Variants in USP49 observed in about 807,000 individuals in gnomAD.
USP49 encodes the protein ubiquitin carboxyl-terminal hydrolase 49.
Under a neutral mutation model 58.6 loss-of-function variants are expected in USP49, and 24 were observed. The ratio of observed to expected loss-of-function variants is 0.41; its 90% CI spans 0.30 to 0.58. USP49 has a LOEUF of 0.58. Among genes scored for constraint, USP49 ranks in the 20% least tolerant of loss-of-function variants. USP49 has a pLI of 0.30. For synonymous variants in USP49, 408 were observed against 365.1 expected, an observed-to-expected ratio of 1.12 and a Z score of -1.34; for missense variants, 703 against 866.1, an observed-to-expected ratio of 0.81 and a Z score of 2.36.
intron 3 of USP49, among the ~76,000 whole-genome samples, chr6:41,840,440 A>G (rs1470539538): frequency 1.3e-5 from 2 of 152,140 alleles, no homozygotes; most frequent in Non-Finnish European, 2.9e-5. Context: ...GAAGAACACA[A>G]TAATGGTATT....
chr6:41,798,558 G>T (rs934123745), intron 7 of USP49, 166 bp downstream of exon 7: 2 of 1,531,146 alleles, frequency 1.3e-6, no homozygotes, highest in Non-Finnish European at 1.8e-6. Context: ...TTACAGGTGT[G>T]AGCCACGGCG....
At chr6:41,814,291 C>A (rs1254757835) in intron 3 of USP49, among the ~76,000 whole-genome samples, 1 of 152,216 alleles carries the variant, frequency 6.6e-6, no homozygotes, top group African/African-American at 2.4e-5. Context: ...TTTTAAAAAT[C>A]TGAATCAACT....
chr6:41,837,339 G>C (rs968019403), intron 3 of USP49, among the ~76,000 whole-genome samples: 4 of 152,096 alleles, frequency 2.6e-5, no homozygotes, highest in Admixed American at 6.6e-5. Flanking sequence ...CAACAAAGTC[G>C]ACAAAAGCAA....
rs1481135096 is a variant in USP49 at position 41,790,658 on chromosome 6, C to T, written c.*5875G>A. ...ACAGATGTCTCTAGCAGTTTGTTCA[C>T]TACTAAAGTTAAACAGGACAAAATA... On this transcript the variant is annotated 3_prime_UTR_variant, in exon 8 of 8. Transcript: ENST00000682992. The T allele has an allele frequency of 6.6e-6, 1 of 152,154 alleles. No individual in the cohort carries two copies. The highest frequency in any genetic ancestry group is 2.4e-5 in the African/African-American group (1 of 41,422). 9.4% of individuals were successfully genotyped at this position (152,154 alleles called of 1,614,324 possible). A position where few individuals can be genotyped will look rare whatever the true frequency, so the allele number is the denominator to read the frequency against.
intron 6 of USP49, among the ~76,000 whole-genome samples, chr6:41,799,241 G>A (rs571208176): frequency 1.3e-5 from 2 of 152,182 alleles, no homozygotes; most frequent in East Asian, 3.9e-4. Flanking sequence ...GAGTAGGTGG[G>A]ACTATAGGTG....
chr6:41,887,106 CA>C (rs1774726025), intron 2 of USP49, among the ~76,000 whole-genome samples: 1 of 152,160 alleles, frequency 6.6e-6, no homozygotes, highest in Non-Finnish European at 1.5e-5. Context: ...AAAGAAAGAG[CA>C]GGAGGCAGGA....
At chr6:41,865,483 C>T (rs1774297057) in intron 3 of USP49, among the ~76,000 whole-genome samples, 1 of 152,064 alleles carries the variant, frequency 6.6e-6, no homozygotes. Flanking sequence ...AATCCTAAAC[C>T]ATGTGGTGCC....
At chr6:41,866,079 G>A (rs1001400266) in intron 3 of USP49, among the ~76,000 whole-genome samples, 4 of 151,072 alleles carry the variant, frequency 2.6e-5, no homozygotes, top group Admixed American at 1.3e-4. Context: ...CCACCACCAC[G>A]TCCCACCAAT....
At chr6:41,799,745 A>G in intron 6 of USP49, 85 bp downstream of exon 6, 1 of 1,212,048 alleles carries the variant, frequency 8.3e-7, no homozygotes, top group Non-Finnish European at 1.2e-6. Context: ...TCCCAACACC[A>G]TAGAAGACAT....
intron 3 of USP49, among the ~76,000 whole-genome samples, chr6:41,845,019 GCCTCCTGA>G (rs1773897388): frequency 6.6e-6 from 1 of 152,094 alleles, no homozygotes; most frequent in Admixed American, 6.6e-5. Flanking sequence ...TCCTGCCTCA[GCCTCCTGA>G]GTAGCTGGGA....
chr6:41,852,307 G>A (rs942327425), intron 3 of USP49, among the ~76,000 whole-genome samples: 3 of 152,150 alleles, frequency 2.0e-5, no homozygotes, highest in South Asian at 2.1e-4. Context: ...CCTGGGCAAC[G>A]AGAGTGAAAC....
chr6:41,878,013 CCA>C (rs1192642420), intron 2 of USP49, among the ~76,000 whole-genome samples: 1 of 151,800 alleles, frequency 6.6e-6, no homozygotes, highest in African/African-American at 2.4e-5. Flanking sequence ...AGCGACCCTC[CCA>C]CCTCAGCCTC....
At chr6:41,848,878 G>A (rs1773971161) in intron 3 of USP49, among the ~76,000 whole-genome samples, 1 of 151,594 alleles carries the variant, frequency 6.6e-6, no homozygotes, top group South Asian at 2.1e-4. Flanking sequence ...AAATGAGAGA[G>A]AGAGAAATGG....
At position 41,806,145 on chromosome 6, in the gene USP49, C is replaced by T; in HGVS notation, c.839G>A (p.Cys280Tyr). The T allele has an allele frequency of 8.1e-6, 13 of 1,613,720 alleles. No individual in the cohort carries two copies. Among genetic ancestry groups the T allele is most frequent in the Non-Finnish European group, 1.1e-5 (13 of 1,180,034 alleles). The part of the protein sequence containing the change: ...VLSHLQKFRE[C>Y]FLNLDPSKTE... ...TTTGGAAGGGTCAAGGTTGAGGAAA[C>T]ATTCTCGGAACTTCTGGAGGTGGCT... Residue 280 changes from cysteine (C) to tyrosine (Y), a missense_variant, in exon 4 of 8, where the codon TGT (cysteine) becomes TAT (tyrosine). Cys to Tyr is a radical substitution (Grantham distance 194). Transcript: ENST00000682992. This position sits in a 1 kb window ranked among gnomAD's most constrained non-coding sequence, Gnocchi z 5.9.
chr6:41,876,701 C>T (rs1226073724), intron 2 of USP49, among the ~76,000 whole-genome samples: 5 of 152,086 alleles, frequency 3.3e-5, no homozygotes, highest in African/African-American at 4.8e-5. Flanking sequence ...CGTGAGCCAC[C>T]GCAACCTGCC....
intron 3 of USP49, among the ~76,000 whole-genome samples, chr6:41,812,442 G>A (rs956357986): frequency 6.7e-6 from 1 of 150,152 alleles, no homozygotes; most frequent in African/African-American, 2.4e-5. Context: ...GCCTGCAATC[G>A]CAGCACTTTG....
intron 3 of USP49, among the ~76,000 whole-genome samples, chr6:41,842,642 A>C (rs1283453656): frequency 6.6e-6 from 1 of 152,152 alleles, no homozygotes; most frequent in Non-Finnish European, 1.5e-5. Context: ...TTTCATTTTA[A>C]TCACAGCTAT....
At chr6:41,885,581 T>C (rs1774695131) in intron 2 of USP49, among the ~76,000 whole-genome samples, 1 of 152,064 alleles carries the variant, frequency 6.6e-6, no homozygotes, top group Non-Finnish European at 1.5e-5. Flanking sequence ...AGTGGATCAC[T>C]TGAGGTCAGG....
At chr6:41,817,520 C>T (rs1355406130) in intron 3 of USP49, among the ~76,000 whole-genome samples, 12 of 138,290 alleles carry the variant, frequency 8.7e-5, no homozygotes, top group Non-Finnish European at 1.7e-4. Context: ...AATGAAGTGG[C>T]GCAATCTTGG....
Sources: gnomAD v4.1 joint callset for allele counts (sites outside exome capture counted in the v4.1 genomes callset) on GRCh38, gnomAD v4.1.1 for gene constraint, Gnocchi (gnomAD v3.1) non-coding constraint, MANE v1.5 for transcripts, NCBI Gene and HGNC (gene_info 2026-07-23, HGNC 2026-07-21) for gene names.